LGSN: variants seen among roughly 807,000 people sequenced by gnomAD.
LGSN encodes lengsin.
A neutral mutation model predicts 19.5 loss-of-function variants in LGSN; 21 were observed. That is an observed-to-expected ratio of 1.07 (90% CI 0.76 to 1.55). LGSN has a LOEUF of 1.55. Ranked by LOEUF, LGSN falls within the 40% of genes most tolerant of loss-of-function variation. The pLI is 0.00. For synonymous variants in LGSN, 257 were observed against 215.6 expected, an observed-to-expected ratio of 1.19 and a Z score of -1.68; for missense variants, 673 against 608.5, an observed-to-expected ratio of 1.11 and a Z score of -1.12.
chr6:63,501,031 C>T, the LGSN span, among the ~76,000 whole-genome samples: 6 of 149,376 alleles, frequency 4.0e-5, no homozygotes, highest in Admixed American at 6.6e-5. Flanking sequence ...GCCTGACTGA[C>T]AGGTTATTTC....
the LGSN span, among the ~76,000 whole-genome samples, chr6:63,360,762 T>C: frequency 3.9e-5 from 6 of 152,328 alleles, no homozygotes; most frequent in South Asian, 1.2e-3. Flanking sequence ...TTTTCTGCTC[T>C]GTTTTTTTCC....
the LGSN span, among the ~76,000 whole-genome samples, chr6:63,460,032 C>T: frequency 1.3e-5 from 2 of 151,100 alleles, no homozygotes; most frequent in Non-Finnish European, 2.9e-5. Flanking sequence ...GCTCATATCT[C>T]CTTCTGGGCC....
the LGSN span, among the ~76,000 whole-genome samples, chr6:63,387,839 C>T: frequency 1.3e-5 from 2 of 151,720 alleles, no homozygotes; most frequent in African/African-American, 4.8e-5. Context: ...GGCATACCAC[C>T]ACATCTCGCC....
At chr6:63,422,557 C>A in the LGSN span, among the ~76,000 whole-genome samples, 1 of 151,944 alleles carries the variant, frequency 6.6e-6, no homozygotes. Flanking sequence ...AAAGAGATAC[C>A]CATTTACCTA....
the LGSN span, among the ~76,000 whole-genome samples, chr6:63,359,184 C>A: frequency 2.3e-3 from 343 of 152,130 alleles, 2 homozygotes; most frequent in African/African-American, 7.9e-3. Context: ...GGATGAAGCC[C>A]ACTTGATCAT....
At chr6:63,434,411 G>A in the LGSN span, among the ~76,000 whole-genome samples, 1 of 139,492 alleles carries the variant, frequency 7.2e-6, no homozygotes, top group South Asian at 2.2e-4. Context: ...CTGCACTCTA[G>A]CCTAAGCAAC....
the LGSN span, among the ~76,000 whole-genome samples, chr6:63,495,514 A>C: frequency 7.9e-6 from 1 of 127,108 alleles, no homozygotes; most frequent in Admixed American, 1.0e-4. Flanking sequence ...GCTGGAGTGC[A>C]GTGGTGAGAT....
chr6:63,475,238 C>G, the LGSN span, among the ~76,000 whole-genome samples: 1 of 151,452 alleles, frequency 6.6e-6, no homozygotes, highest in Non-Finnish European at 1.5e-5. Context: ...ACCCTAACAC[C>G]CCATGCCAAC....
the LGSN span, among the ~76,000 whole-genome samples, chr6:63,412,434 G>GA: frequency 5.4e-5 from 7 of 129,022 alleles, no homozygotes; most frequent in South Asian, 4.8e-4. Context: ...AAGAAAGAAA[G>GA]AAAGAAAGCA....
chr6:63,564,200 C>T, the LGSN span, among the ~76,000 whole-genome samples: 1 of 151,044 alleles, frequency 6.6e-6, no homozygotes, highest in African/African-American at 2.4e-5. Context: ...CACTTGAACC[C>T]GGGAGACGGA....
At chr6:63,523,748 T>A in the LGSN span, among the ~76,000 whole-genome samples, 1 of 152,106 alleles carries the variant, frequency 6.6e-6, no homozygotes, top group African/African-American at 2.4e-5. Context: ...TTTAAGCTCA[T>A]CAGCTATCGT....
intron 1 of LGSN, among the ~76,000 whole-genome samples, chr6:63,308,946 T>A (rs1768514978): frequency 6.6e-6 from 1 of 152,234 alleles, no homozygotes; most frequent in African/African-American, 2.4e-5. Flanking sequence ...TATTAATTAC[T>A]TTAAAAATAT....
At chr6:63,429,077 G>C in the LGSN span, among the ~76,000 whole-genome samples, 1 of 152,094 alleles carries the variant, frequency 6.6e-6, no homozygotes, top group African/African-American at 2.4e-5. Context: ...GACATTACAT[G>C]AGGCTTCAGC....
At chr6:63,485,032 T>C in the LGSN span, among the ~76,000 whole-genome samples, 2 of 152,136 alleles carry the variant, frequency 1.3e-5, no homozygotes, top group African/African-American at 4.8e-5. Flanking sequence ...TTGTTTTTTT[T>C]AGTTGTTTTT....
At chr6:63,423,773 C>T in the LGSN span, among the ~76,000 whole-genome samples, 2 of 152,152 alleles carry the variant, frequency 1.3e-5, no homozygotes, top group African/African-American at 2.4e-5. Context: ...CATGATGGCT[C>T]ACGCCTATAA....
the LGSN span, among the ~76,000 whole-genome samples, chr6:63,437,282 T>A: frequency 6.6e-6 from 1 of 151,726 alleles, no homozygotes; most frequent in African/African-American, 2.4e-5. Flanking sequence ...CGCCAAATTG[T>A]CGGAGATCTA....
the LGSN span, among the ~76,000 whole-genome samples, chr6:63,389,151 A>G: frequency 2.0e-5 from 3 of 152,216 alleles, no homozygotes; most frequent in Non-Finnish European, 2.9e-5. Context: ...AAAGGAGGAA[A>G]CTGAATCACA....
the LGSN span, among the ~76,000 whole-genome samples, chr6:63,424,715 C>A: frequency 8.7e-3 from 1,319 of 152,154 alleles, 22 homozygotes; most frequent in African/African-American, 0.03. Context: ...GAGTTGAAGA[C>A]CACCCTAGGC....
the LGSN span, chr6:63,572,589 C>G: frequency 2.4e-6 from 1 of 416,264 alleles, no homozygotes; most frequent in East Asian, 3.5e-5. Flanking sequence ...CCGCCTGCAT[C>G]GCCGCCACCG....
Sources: allele counts gnomAD v4.1 joint callset (sites outside exome capture counted in the v4.1 genomes callset), GRCh38; gene constraint gnomAD v4.1.1; transcripts MANE v1.5; gene names NCBI Gene and HGNC (gene_info 2026-07-23, HGNC 2026-07-21).